Variants in RGL1 observed in about 807,000 individuals in gnomAD.
The protein encoded by RGL1 is ral guanine nucleotide dissociation stimulator-like 1.
A neutral mutation model predicts 95.2 loss-of-function variants in RGL1; 24 were observed. The observed-to-expected ratio is 0.25, with a 90% CI of 0.18 to 0.35. The LOEUF (loss-of-function observed/expected upper bound fraction) is 0.35. Among genes scored for constraint, RGL1 ranks in the 10% least tolerant of loss-of-function variants. The probability of loss-of-function intolerance (pLI) is 1.00; values close to 1 mark genes in which losing one functional copy is unlikely to be tolerated. For missense variants in RGL1, 715 were observed against 936.3 expected, an observed-to-expected ratio of 0.76 and a Z score of 3.08; for synonymous variants, 329 against 344.9, an observed-to-expected ratio of 0.95 and a Z score of 0.51.
At chr1:183,862,330 C>T (rs571022660) in intron 3 of RGL1, among the ~76,000 whole-genome samples, 3 of 152,130 alleles carry the variant, frequency 2.0e-5, no homozygotes, top group Admixed American at 6.5e-5. Context: ...CCACTGCATT[C>T]CAGTCTGGGC....
At chr1:183,810,873 C>CGT (rs1197287873) in intron 2 of RGL1, among the ~76,000 whole-genome samples, 1 of 152,190 alleles carries the variant, frequency 6.6e-6, no homozygotes, top group Non-Finnish European at 1.5e-5. Context: ...AGGCATTCTG[C>CGT]GTCTCACTGT....
intron 1 of RGL1, among the ~76,000 whole-genome samples, chr1:183,679,200 C>T (rs2102071657): frequency 6.6e-6 from 1 of 152,224 alleles, no homozygotes; most frequent in East Asian, 1.9e-4. Flanking sequence ...TCCGAAAGCA[C>T]ACCAGTCTTT....
At chr1:183,799,841 T>C (rs1276236634) in intron 2 of RGL1, among the ~76,000 whole-genome samples, 1 of 152,182 alleles carries the variant, frequency 6.6e-6, no homozygotes, top group African/African-American at 2.4e-5. Context: ...GTATAAAGAA[T>C]ACTCAGGTTA....
At chr1:183,709,939 C>T (rs762351552) in intron 1 of RGL1, 2 of 153,728 alleles carry the variant, frequency 1.3e-5, no homozygotes, top group Admixed American at 6.5e-5. Context: ...TTTCTTCCAG[C>T]GCTTACTGTG....
chr1:183,876,198 T>G (rs1666487829), intron 4 of RGL1, among the ~76,000 whole-genome samples: 1 of 152,234 alleles, frequency 6.6e-6, no homozygotes, highest in Non-Finnish European at 1.5e-5. Context: ...TTTGTGACTC[T>G]GGGAAATAAA....
chr1:183,662,093 C>T (rs887047666), intron 1 of RGL1, among the ~76,000 whole-genome samples: 12 of 150,738 alleles, frequency 8.0e-5, no homozygotes, highest in African/African-American at 3.0e-4. Context: ...GACAAACCCA[C>T]AGCCAATATC....
intron 2 of RGL1, among the ~76,000 whole-genome samples, chr1:183,748,391 G>GTT (rs1657777024): frequency 1.1e-5 from 1 of 88,840 alleles, no homozygotes; most frequent in Non-Finnish European, 2.1e-5. Flanking sequence ...TGCTTCTCTA[G>GTT]TTCTTTTTTT....
At chr1:183,689,665 G>C (rs765893736) in intron 1 of RGL1, among the ~76,000 whole-genome samples, 1 of 152,146 alleles carries the variant, frequency 6.6e-6, no homozygotes, top group Non-Finnish European at 1.5e-5. Context: ...AATGTCTGCT[G>C]AGTGAATAAA....
chr1:183,744,279 A>G (rs1657487686), intron 2 of RGL1, among the ~76,000 whole-genome samples: 1 of 152,004 alleles, frequency 6.6e-6, no homozygotes, highest in Non-Finnish European at 1.5e-5. Context: ...AAGCAAATAC[A>G]AGCCTTCTCT....
At chr1:183,682,796 G>T (rs1382421333) in intron 1 of RGL1, among the ~76,000 whole-genome samples, 1 of 152,164 alleles carries the variant, frequency 6.6e-6, no homozygotes, top group East Asian at 1.9e-4. Context: ...TATTGTGTGG[G>T]AGTCTAAGTT....
intron 1 of RGL1, among the ~76,000 whole-genome samples, chr1:183,652,491 A>G (rs1169819712): frequency 6.6e-6 from 1 of 152,242 alleles, no homozygotes; most frequent in African/African-American, 2.4e-5. Flanking sequence ...AGGAAGCAGG[A>G]AAGAACTGTT....
intron 1 of RGL1, among the ~76,000 whole-genome samples, chr1:183,720,691 A>G (rs1309358059): frequency 6.6e-6 from 1 of 152,172 alleles, no homozygotes; most frequent in African/African-American, 2.4e-5. Context: ...CTGGAACCTA[A>G]TGTGTGGAGA....
Position 183,927,677 on chromosome 1 carries a change from T to C in RGL1, c.*1385T>C, listed in dbSNP as rs1437252271. 1 of 152,628 alleles carries C rather than the reference T, an allele frequency of 6.6e-6. No individual in the cohort carries two copies. The highest frequency in any genetic ancestry group is 1.5e-5 in the Non-Finnish European group (1 of 68,038). The allele number at this position is 152,628 out of a possible 1,614,324, so 9.5% of individuals were successfully genotyped here. A position where few individuals can be genotyped will look rare whatever the true frequency, so the allele number is the denominator to read the frequency against. Reference sequence around the variant, plus strand: ...GTGCTGGGGTTTGAACTAAAAGCCATATGTGGAATATTGACATGTGTAAGA... The same window carrying C: ...GTGCTGGGGTTTGAACTAAAAGCCACATGTGGAATATTGACATGTGTAAGA... On this transcript the variant is annotated 3_prime_UTR_variant, in exon 18 of 18. Transcript: ENST00000360851.
intron 2 of RGL1, among the ~76,000 whole-genome samples, chr1:183,785,046 A>G (rs1392456590): frequency 6.6e-6 from 1 of 152,168 alleles, no homozygotes; most frequent in African/African-American, 2.4e-5. Context: ...AGCGGCTCAC[A>G]TTATTTTTCA....
intron 3 of RGL1, among the ~76,000 whole-genome samples, chr1:183,861,306 G>A (rs1045483303): frequency 1.3e-5 from 2 of 152,146 alleles, no homozygotes; most frequent in African/African-American, 4.8e-5. Flanking sequence ...GGGGAGCAAA[G>A]GTTAGCAAGG....
intron 5 of RGL1, among the ~76,000 whole-genome samples, chr1:183,882,084 T>C (rs1465733941): frequency 6.6e-6 from 1 of 152,248 alleles, no homozygotes; most frequent in East Asian, 1.9e-4. Context: ...TCCCATGTGC[T>C]TGTTTTACCC....
At chr1:183,705,473 A>G (rs1224504510) in intron 1 of RGL1, among the ~76,000 whole-genome samples, 1 of 152,102 alleles carries the variant, frequency 6.6e-6, no homozygotes, top group Non-Finnish European at 1.5e-5. Context: ...GGATGGTTTT[A>G]GGGATAAGGT....
intron 1 of RGL1, among the ~76,000 whole-genome samples, chr1:183,694,480 A>C (rs768707096): frequency 2.6e-4 from 39 of 152,234 alleles, no homozygotes; most frequent in Non-Finnish European, 4.9e-4. Flanking sequence ...CTATGAGATA[A>C]TATTAACTGA....
chr1:183,885,710 G>GCTGGC (rs1667069786), intron 7 of RGL1, among the ~76,000 whole-genome samples: 1 of 152,184 alleles, frequency 6.6e-6, no homozygotes, highest in Non-Finnish European at 1.5e-5. Context: ...GACATACTAG[G>GCTGGC]ATAGAGCATA....
Sources: gnomAD v4.1 joint callset for allele counts (sites outside exome capture counted in the v4.1 genomes callset) on GRCh38, gnomAD v4.1.1 for gene constraint, MANE v1.5 for transcripts, NCBI Gene and HGNC (gene_info 2026-07-23, HGNC 2026-07-21) for gene names.